MALRD1: variants seen among roughly 807,000 people sequenced by gnomAD.
MALRD1 encodes MAM and LDL-receptor class A domain-containing protein 1.
Under a neutral mutation model 242.1 loss-of-function variants are expected in MALRD1, and 247 were observed. The ratio of observed to expected loss-of-function variants is 1.02; its 90% CI spans 0.92 to 1.13. The LOEUF is 1.13. Ranked by LOEUF, MALRD1 falls within the 50% of genes most tolerant of loss-of-function variation. MALRD1 has a pLI of 0.00. For synonymous variants in MALRD1, 995 were observed against 866.6 expected, an observed-to-expected ratio of 1.15 and a Z score of -2.60; for missense variants, 2,989 against 2,533.1, an observed-to-expected ratio of 1.18 and a Z score of -3.86.
At chr10:19,294,812 A>T (rs78771216) in intron 21 of MALRD1, among the ~76,000 whole-genome samples, 1 of 152,084 alleles carries the variant, frequency 6.6e-6, no homozygotes, top group Non-Finnish European at 1.5e-5. Context: ...GGAAAGAAAA[A>T]TACAGTTTTA....
intron 23 of MALRD1, among the ~76,000 whole-genome samples, chr10:19,329,948 C>T (rs371912239): frequency 6.6e-6 from 1 of 152,270 alleles, no homozygotes; most frequent in South Asian, 2.1e-4. Context: ...CAGTGCAACA[C>T]TCATTGCATT....
intron 36 of MALRD1, among the ~76,000 whole-genome samples, chr10:19,656,589 T>C (rs968240922): frequency 6.6e-6 from 1 of 152,114 alleles, no homozygotes; most frequent in South Asian, 2.1e-4. Context: ...ATTTTTTTTT[T>C]CTGTCTGACT....
chr10:19,149,413 T>G lies in MALRD1; in HGVS notation c.1558+3069T>G, dbSNP rs186784641. Among the ~76,000 whole-genome samples the G allele has an allele frequency of 4.5e-4, 69 of 152,270 alleles. 1 individual carries two copies. The South Asian group carries it at 0.012, about 26-fold the overall frequency. ...CGAATTTCCTTCCTGCCTTTTTTGCTTCGTTTCTACCTTCCTATTCCTACT... is the reference window on the plus strand; with the variant it reads ...CGAATTTCCTTCCTGCCTTTTTTGCGTCGTTTCTACCTTCCTATTCCTACT... On this transcript the variant is annotated intron_variant, in intron 11 of 39. Coordinates refer to ENST00000454679, the MANE Select transcript of MALRD1 (RefSeq NM_001142308.3).
Position 19,205,082 on chromosome 10 carries a change from A to G in MALRD1, c.2395A>G (p.Ile799Val), listed in dbSNP as rs1313339138. The G allele has an allele frequency of 1.3e-6, 2 of 1,550,718 alleles. No individual in the cohort carries two copies. The highest frequency in any genetic ancestry group is 1.7e-6 in the Non-Finnish European group (2 of 1,146,996). Residue 799 changes from isoleucine (I) to valine (V), a missense_variant, in exon 17 of 40, where the codon ATT (isoleucine) becomes GTT (valine). Coordinates refer to ENST00000454679, the MANE Select transcript of MALRD1 (RefSeq NM_001142308.3). ...HLSLDKVSLG[I>V]YDGVSAIDDI... is the part of the protein sequence containing the mutation. ...GTCACTAGATAAAGTCAGTCTGGGC[A>G]TTTATGATGGGGTCTCAGCTATTGA...
At chr10:19,454,303 G>A (rs1216062109) in intron 29 of MALRD1, among the ~76,000 whole-genome samples, 1 of 150,572 alleles carries the variant, frequency 6.6e-6, no homozygotes, top group African/African-American at 2.4e-5. Flanking sequence ...TAAGGGGGAA[G>A]GCAGGAAAAT....
chr10:19,383,803 T>A (rs919413685), intron 26 of MALRD1, among the ~76,000 whole-genome samples: 5 of 151,850 alleles, frequency 3.3e-5, no homozygotes, highest in African/African-American at 1.2e-4. Flanking sequence ...ATTAAATAGA[T>A]ACTAGATGCT....
chr10:19,085,877 T>G (rs181710891), intron 2 of MALRD1, among the ~76,000 whole-genome samples: 1 of 152,128 alleles, frequency 6.6e-6, no homozygotes. Context: ...TGAATATTTA[T>G]AAACAATAAT....
intron 15 of MALRD1, 102 bp downstream of exon 15, chr10:19,203,982 A>G (rs371116040): frequency 1.5e-6 from 2 of 1,338,766 alleles, no homozygotes; most frequent in Non-Finnish European, 2.1e-6. Flanking sequence ...ACTACAACAA[A>G]CAGTCAGATA....
intron 18 of MALRD1, among the ~76,000 whole-genome samples, chr10:19,227,752 A>G (rs1446447330): frequency 1.3e-5 from 2 of 152,182 alleles, no homozygotes; most frequent in Non-Finnish European, 2.9e-5. Flanking sequence ...AAAAAACTAA[A>G]TAACAAAACA....
At chr10:19,121,503 T>G (rs1034261560) in intron 5 of MALRD1, among the ~76,000 whole-genome samples, 6 of 152,122 alleles carry the variant, frequency 3.9e-5, no homozygotes, top group African/African-American at 1.4e-4. Flanking sequence ...TTTGAGAAGT[T>G]AGTTGGAGAA....
intron 10 of MALRD1, among the ~76,000 whole-genome samples, chr10:19,138,795 T>G (rs996369797): frequency 1.3e-5 from 2 of 152,178 alleles, no homozygotes; most frequent in African/African-American, 4.8e-5. Flanking sequence ...TGTTCACCTT[T>G]AAAAAATTGT....
chr10:19,594,692 A>G (rs1368460355), intron 33 of MALRD1, among the ~76,000 whole-genome samples: 2 of 152,174 alleles, frequency 1.3e-5, no homozygotes, highest in Admixed American at 6.6e-5. Flanking sequence ...AGCAACTAGG[A>G]TGGAGCTGGA....
rs1842755634 is a variant in MALRD1, at chr10:19,690,082, G to A, written c.6138-2200G>A. Among the ~76,000 whole-genome samples the A allele has an allele frequency of 2.0e-5, 3 of 152,062 alleles. No homozygotes were observed. In the South Asian group the frequency reaches 6.2e-4, roughly 32 times the overall value. On this transcript the variant is annotated intron_variant, in intron 36 of 39. Transcript: ENST00000454679. Reference sequence around the variant, plus strand: ...GAAAAACTGAAGTGGAAATTTTTGGGGGGTAGTGTATTCATTTTTCTCTAA... The same window carrying A: ...GAAAAACTGAAGTGGAAATTTTTGGAGGGTAGTGTATTCATTTTTCTCTAA...
intron 21 of MALRD1, among the ~76,000 whole-genome samples, chr10:19,318,183 T>TTA (rs1842778634): frequency 6.6e-6 from 1 of 152,010 alleles, no homozygotes; most frequent in African/African-American, 2.4e-5. Context: ...CATAGGCAAG[T>TTA]GTTTATGCAA....
intron 19 of MALRD1, among the ~76,000 whole-genome samples, chr10:19,274,416 A>C (rs1187734570): frequency 6.6e-6 from 1 of 152,192 alleles, no homozygotes; most frequent in Non-Finnish European, 1.5e-5. Context: ...TGGGATAATT[A>C]GGTCAGGAGA....
intron 32 of MALRD1, among the ~76,000 whole-genome samples, chr10:19,537,698 A>G (rs181726723): frequency 1.7e-4 from 26 of 152,202 alleles, no homozygotes; most frequent in Admixed American, 4.6e-4. Context: ...TTTCATAGCT[A>G]CCTGTGTTGT....
chr10:19,096,683 CAG>C (rs1167544488), intron 4 of MALRD1, among the ~76,000 whole-genome samples: 1 of 152,304 alleles, frequency 6.6e-6, no homozygotes, highest in South Asian at 2.1e-4. Context: ...ATTCTGTAAT[CAG>C]AGTCTCCAGA....
At chr10:19,722,647 G>GATT (rs1005417907) in intron 38 of MALRD1, 1 of 121,836 alleles carries the variant, frequency 8.2e-6, no homozygotes, top group African/African-American at 3.1e-5. Flanking sequence ...ATACTACAGT[G>GATT]ATTATTAATT....
intron 29 of MALRD1, among the ~76,000 whole-genome samples, chr10:19,451,295 G>T (rs2131042966): frequency 1.3e-5 from 2 of 152,134 alleles, no homozygotes; most frequent in South Asian, 4.2e-4. Flanking sequence ...CAGAAATTGA[G>T]CTGAGAGCTG....
Sources: allele counts gnomAD v4.1 joint callset (sites outside exome capture counted in the v4.1 genomes callset), GRCh38; gene constraint gnomAD v4.1.1; transcripts MANE v1.5; gene names NCBI Gene and HGNC (gene_info 2026-07-23, HGNC 2026-07-21).